The following ACSBG2 variants were observed in gnomAD, a reference collection of about 807,000 sequenced individuals.
The protein encoded by ACSBG2 is acyl-CoA synthetase bubblegum family member 2.
A neutral mutation model predicts 74.7 loss-of-function variants in ACSBG2; 62 were observed. That is an observed-to-expected ratio of 0.83 (90% confidence interval 0.68 to 1.03). The LOEUF (loss-of-function observed/expected upper bound fraction) is 1.03, where lower values mean the gene tolerates loss of function less well. Ranked by LOEUF, ACSBG2 falls within the 50% of genes least tolerant of loss-of-function variation. ACSBG2 has a pLI of 0.00. For synonymous variants in ACSBG2, 309 were observed against 294.1 expected, an observed-to-expected ratio of 1.05 and a Z score of -0.52; for missense variants, 730 against 817.6, an observed-to-expected ratio of 0.89 and a Z score of 1.31.
intron 2 of ACSBG2, among the ~76,000 whole-genome samples, chr19:6,143,503 A>G (rs898291349): frequency 6.6e-6 from 1 of 152,246 alleles, no homozygotes; most frequent in African/African-American, 2.4e-5. Context: ...ATCCACCTAC[A>G]AAAACCCTGT....
intron 3 of ACSBG2, among the ~76,000 whole-genome samples, chr19:6,151,062 C>T (rs772225998): frequency 2.0e-4 from 29 of 148,312 alleles, no homozygotes; most frequent in South Asian, 2.1e-4. Context: ...TGCAGTGAGC[C>T]GAGATCGCAC....
chr19:6,152,279 A>ATTT (rs71172791), intron 4 of ACSBG2, among the ~76,000 whole-genome samples: 22 of 68,456 alleles, frequency 3.2e-4, no homozygotes, highest in Non-Finnish European at 4.3e-4. Context: ...CACCCAGCTA[A>ATTT]TTTTTTTTTT....
At chr19:6,176,510 A>G in intron 7 of ACSBG2, 3 of 670,438 alleles carry the variant, frequency 4.5e-6, no homozygotes, top group Non-Finnish European at 6.6e-6. Context: ...ACACACACAC[A>G]CGCACTCAGC....
At chr19:6,139,712 C>T (rs1337399864) in intron 1 of ACSBG2, among the ~76,000 whole-genome samples, 2 of 152,192 alleles carry the variant, frequency 1.3e-5, no homozygotes, top group African/African-American at 2.4e-5. Context: ...ACAATTTGGC[C>T]TCCACTTCCC....
intron 1 of ACSBG2, among the ~76,000 whole-genome samples, chr19:6,139,558 G>T (rs537724129): frequency 1.3e-5 from 2 of 152,250 alleles, no homozygotes; most frequent in African/African-American, 4.8e-5. Context: ...GAAACTTTTA[G>T]AGTTCATAAA....
chr19:6,156,042 A>G (rs1245193386), intron 4 of ACSBG2, among the ~76,000 whole-genome samples: 1 of 152,114 alleles, frequency 6.6e-6, no homozygotes, highest in African/African-American at 2.4e-5. Context: ...GCAAATTAAA[A>G]GCAAAAGAGG....
At chr19:6,173,425 C>G (rs1194749568) in intron 7 of ACSBG2, among the ~76,000 whole-genome samples, 2 of 152,134 alleles carry the variant, frequency 1.3e-5, no homozygotes, top group African/African-American at 4.8e-5. Context: ...CTGGGAAGTT[C>G]TCTAATCAGC....
At chr19:6,176,874 A>G (rs1490487217) in intron 7 of ACSBG2, among the ~76,000 whole-genome samples, 1 of 152,152 alleles carries the variant, frequency 6.6e-6, no homozygotes, top group Admixed American at 6.5e-5. Flanking sequence ...ATCGCCCTCC[A>G]GGCTGGGCAT....
intron 4 of ACSBG2, among the ~76,000 whole-genome samples, chr19:6,154,434 A>T (rs59471454): frequency 0.31 from 11,661 of 37,998 alleles, 995 homozygotes; most frequent in South Asian, 0.37. Context: ...GAGAGAGAGA[A>T]AATTATTATT....
intron 10 of ACSBG2, among the ~76,000 whole-genome samples, chr19:6,184,842 A>AC: frequency 9.3e-6 from 1 of 107,408 alleles, no homozygotes; most frequent in Non-Finnish European, 1.7e-5. Flanking sequence ...GAAAAAAAAA[A>AC]AAAAAAAAAA....
chr19:6,185,890 C>A (rs1015398141), intron 11 of ACSBG2, among the ~76,000 whole-genome samples: 4 of 152,088 alleles, frequency 2.6e-5, no homozygotes, highest in Non-Finnish European at 4.4e-5. Flanking sequence ...AAAAGACAAG[C>A]CTTGGAACCT....
chr19:6,158,563 G>T (rs1450605160), intron 5 of ACSBG2, among the ~76,000 whole-genome samples: 2 of 152,032 alleles, frequency 1.3e-5, no homozygotes, highest in Non-Finnish European at 2.9e-5. Flanking sequence ...CTGGAGAGGA[G>T]GGGAGTCCCT....
intron 7 of ACSBG2, 94 bp downstream of exon 7, chr19:6,166,109 G>A: frequency 5.4e-6 from 8 of 1,490,362 alleles, no homozygotes; most frequent in Non-Finnish European, 4.6e-6. Flanking sequence ...GGTCTAGTAC[G>A]CAGTGTGGCT....
intron 4 of ACSBG2, among the ~76,000 whole-genome samples, chr19:6,153,272 T>G (rs1004593381): frequency 2.0e-5 from 3 of 151,698 alleles, no homozygotes; most frequent in African/African-American, 7.3e-5. Context: ...ACAAAAAAAT[T>G]TAAAATACCA....
intron 6 of ACSBG2, 63 bp downstream of exon 6, chr19:6,161,358 T>A (rs1329076897): frequency 2.0e-6 from 3 of 1,507,386 alleles, no homozygotes; most frequent in Admixed American, 3.4e-5. Flanking sequence ...AAAGTGGGCG[T>A]GGCCTAAGTG....
chr19:6,183,587 C>A lies in ACSBG2; in HGVS notation c.1322+315C>A, dbSNP rs369685944. Among the ~76,000 whole-genome samples, 6 of 152,180 alleles carry A rather than the reference C, an allele frequency of 3.9e-5. No individual in the cohort carries two copies. In the East Asian group the frequency reaches 7.7e-4, roughly 20 times the overall value. ...CCCCATGATCCTCCATCTCAAAACACCTCCATGGCCGATTCCTGGCTTTCT... is the reference window on the plus strand; with the variant it reads ...CCCCATGATCCTCCATCTCAAAACAACTCCATGGCCGATTCCTGGCTTTCT... On this transcript the variant is annotated intron_variant, in intron 10 of 14. Coordinates refer to ENST00000588485, the MANE Select transcript of ACSBG2 (RefSeq NM_030924.5).
chr19:6,178,343 A>G (rs868302526), intron 8 of ACSBG2, among the ~76,000 whole-genome samples: 7 of 152,040 alleles, frequency 4.6e-5, no homozygotes, highest in African/African-American at 1.7e-4. Context: ...CATGCTTATC[A>G]ATAGTCTCCA....
chr19:6,181,822 C>CCT (rs1555696907), intron 8 of ACSBG2, among the ~76,000 whole-genome samples: 4 of 125,788 alleles, frequency 3.2e-5, no homozygotes, highest in Admixed American at 2.4e-4. Context: ...CGCCCCCCCC[C>CCT]CCAACGAAAT....
chr19:6,147,722 A>G, intron 3 of ACSBG2, 47 bp downstream of exon 3: 2 of 1,572,596 alleles, frequency 1.3e-6, no homozygotes, highest in Non-Finnish European at 1.8e-6. Flanking sequence ...TTCATTCTGA[A>G]TAGGTAACAG....
Sources: gnomAD v4.1 joint callset for allele counts (sites outside exome capture counted in the v4.1 genomes callset) on GRCh38, gnomAD v4.1.1 for gene constraint, MANE v1.5 for transcripts, NCBI Gene and HGNC (gene_info 2026-07-23, HGNC 2026-07-21) for gene names.